MAGI2: variants seen among roughly 807,000 people sequenced by gnomAD.
The protein encoded by MAGI2 is membrane-associated guanylate kinase, WW and PDZ domain-containing protein 2.
In MAGI2, 35 loss-of-function variants were observed where a neutral mutation model predicts 133.3. That is an observed-to-expected ratio of 0.26 (90% CI 0.20 to 0.35). The LOEUF (loss-of-function observed/expected upper bound fraction) is 0.35, where lower values mean the gene tolerates loss of function less well. Among genes scored for constraint, MAGI2 ranks in the 10% least tolerant of loss-of-function variants. MAGI2 has a pLI of 1.00. For missense variants in MAGI2, 1,636 were observed against 1,863.4 expected (o/e 0.88, Z 2.25); for synonymous variants, 729 against 710.6 (o/e 1.03, Z -0.41).
chr7:79,398,206 G>A (rs1013632992), intron 1 of MAGI2, among the ~76,000 whole-genome samples: 7 of 152,178 alleles, frequency 4.6e-5, no homozygotes, highest in African/African-American at 1.7e-4. Context: ...GAACATGGCA[G>A]CAACATGTGA....
intron 6 of MAGI2, among the ~76,000 whole-genome samples, chr7:78,393,830 C>T (rs1216006173): frequency 6.6e-6 from 1 of 152,202 alleles, no homozygotes; most frequent in African/African-American, 2.4e-5. Context: ...TATACCCTAA[C>T]AGATTTGTAA....
rs55707442 is a variant in MAGI2, at chr7:78,527,006, C to CAAAAAAAAAAAAAAAAAAAAAAAAAAAAA, written c.539-5362_539-5361insTTTTTTTTTTTTTTTTTTTTTTTTTTTTT. ...ATGGTGACAGGGCAAGACTCCATCT[C>CAAAAAAAAAAAAAAAAAAAAAAAAAAAAA]AAAAAAAAAAAAAAAAAAAAAAAAA... On this transcript the variant is annotated intron_variant, in intron 3 of 21. Transcript: ENST00000354212. Among the ~76,000 whole-genome samples the CAAAAAAAAAAAAAAAAAAAAAAAAAAAAA allele has an allele frequency of 3.5e-4, 16 of 45,412 alleles. 1 individual carries two copies. The highest frequency in any genetic ancestry group is 4.9e-4 in the Non-Finnish European group (11 of 22,558). The allele number at this position is 45,412 out of a possible 152,430, so 29.8% of individuals were successfully genotyped here. A position where few individuals can be genotyped will look rare whatever the true frequency, so the allele number is the denominator to read the frequency against.
chr7:78,797,478 G>T (rs997138555), intron 2 of MAGI2, among the ~76,000 whole-genome samples: 4 of 152,052 alleles, frequency 2.6e-5, no homozygotes, highest in Non-Finnish European at 5.9e-5. Context: ...TAGAAGCAGA[G>T]AATGGAGCTT....
At chr7:79,140,627 A>G (rs1488732106) in intron 1 of MAGI2, among the ~76,000 whole-genome samples, 3 of 152,186 alleles carry the variant, frequency 2.0e-5, no homozygotes, top group African/African-American at 7.2e-5. Context: ...TAGCACAATG[A>G]TTGTAGGTTT....
intron 2 of MAGI2, among the ~76,000 whole-genome samples, chr7:78,681,658 G>T (rs1815675610): frequency 6.6e-6 from 1 of 152,066 alleles, no homozygotes. Context: ...TGGGTCCCAT[G>T]CACAGGAAGG....
chr7:78,200,691 C>T (rs1229645574), intron 11 of MAGI2, among the ~76,000 whole-genome samples: 1 of 151,784 alleles, frequency 6.6e-6, no homozygotes, highest in African/African-American at 2.4e-5. Context: ...CATATATATA[C>T]ACATGACACA....
chr7:78,293,556 A>C (rs1038540927), intron 9 of MAGI2, among the ~76,000 whole-genome samples: 4 of 152,184 alleles, frequency 2.6e-5, no homozygotes, highest in African/African-American at 9.7e-5. Context: ...ACCTAGAAAT[A>C]CCATTTGACC....
At chr7:78,288,312 AAATTT>A (rs1342214230) in intron 9 of MAGI2, among the ~76,000 whole-genome samples, 1 of 152,218 alleles carries the variant, frequency 6.6e-6, no homozygotes, top group Non-Finnish European at 1.5e-5. Flanking sequence ...ACCTCCTTCT[AAATTT>A]AATCGCTTAT....
intron 1 of MAGI2, among the ~76,000 whole-genome samples, chr7:79,264,863 G>A (rs548148708): frequency 6.6e-6 from 1 of 151,476 alleles, no homozygotes; most frequent in Non-Finnish European, 1.5e-5. Context: ...GAGACACAGA[G>A]AGAGAGAGAG....
At chr7:78,707,471 A>G (rs1205822307) in intron 2 of MAGI2, among the ~76,000 whole-genome samples, 1 of 152,116 alleles carries the variant, frequency 6.6e-6, no homozygotes, top group Non-Finnish European at 1.5e-5. Context: ...ACACTACTTG[A>G]AACTTCACAC....
intron 1 of MAGI2, among the ~76,000 whole-genome samples, chr7:79,109,374 G>T (rs1335325563): frequency 3.9e-5 from 6 of 152,210 alleles, no homozygotes; most frequent in African/African-American, 2.4e-5. Flanking sequence ...TAGAGGAAAG[G>T]CCACCCATGT....
intron 3 of MAGI2, among the ~76,000 whole-genome samples, chr7:78,545,128 T>C (rs1798717293): frequency 6.6e-6 from 1 of 150,852 alleles, no homozygotes; most frequent in Non-Finnish European, 1.5e-5. Context: ...GTTTTATCAA[T>C]AGAACAAAGG....
At chr7:78,113,661 G>A (rs1379568704) in intron 20 of MAGI2, among the ~76,000 whole-genome samples, 1 of 152,138 alleles carries the variant, frequency 6.6e-6, no homozygotes, top group East Asian at 1.9e-4. Context: ...GTGTGTAGGA[G>A]GCTATAGTAT....
chr7:79,040,567 A>G (rs1343580480), intron 1 of MAGI2, among the ~76,000 whole-genome samples: 1 of 152,086 alleles, frequency 6.6e-6, no homozygotes, highest in Non-Finnish European at 1.5e-5. Context: ...GTGTACCTAC[A>G]CAAGTCTCAC....
At chr7:78,251,166 T>C (rs1401337106) in intron 10 of MAGI2, among the ~76,000 whole-genome samples, 1 of 152,094 alleles carries the variant, frequency 6.6e-6, no homozygotes, top group East Asian at 1.9e-4. Context: ...GCAAAAACAT[T>C]TGATAAAAAC....
At chr7:78,125,466 G>A (rs17594625) in intron 20 of MAGI2, among the ~76,000 whole-genome samples, 2,618 of 152,236 alleles carry the variant, frequency 0.017, 29 homozygotes, top group South Asian at 0.034. Flanking sequence ...TAGAAAAATA[G>A]TACTTTACTG....
chr7:78,084,431 G>T (rs528563978), intron 20 of MAGI2, among the ~76,000 whole-genome samples: 1 of 152,346 alleles, frequency 6.6e-6, no homozygotes, highest in Admixed American at 6.5e-5. Flanking sequence ...TTGAGTCAAT[G>T]AATGTTTGGT....
At chr7:79,353,189 GCCC>G (rs911349778) in intron 1 of MAGI2, among the ~76,000 whole-genome samples, 1 of 151,968 alleles carries the variant, frequency 6.6e-6, no homozygotes, top group Non-Finnish European at 1.5e-5. Flanking sequence ...TCTACCAACT[GCCC>G]CCCAGCTGCC....
chr7:79,255,956 T>C (rs999677731), intron 1 of MAGI2, among the ~76,000 whole-genome samples: 19 of 152,150 alleles, frequency 1.2e-4, no homozygotes, highest in African/African-American at 4.6e-4. Context: ...TCCCCAAAGC[T>C]AAAAGATCTG....
Sources: allele counts gnomAD v4.1 joint callset (sites outside exome capture counted in the v4.1 genomes callset), GRCh38; gene constraint gnomAD v4.1.1; transcripts MANE v1.5; gene names NCBI Gene and HGNC (gene_info 2026-07-23, HGNC 2026-07-21).